The following SPATA17 variants were observed in gnomAD, a reference collection of about 807,000 sequenced individuals.
The protein encoded by SPATA17 is spermatogenesis associated 17.
In SPATA17, 53 loss-of-function variants were observed where a neutral mutation model predicts 62.2. The observed-to-expected ratio is 0.85, with a 90% CI of 0.68 to 1.07. The LOEUF is 1.07. Ranked by LOEUF, SPATA17 falls within the 50% of genes least tolerant of loss-of-function variation. SPATA17 has a pLI of 0.00. For synonymous variants in SPATA17, 146 were observed against 146.8 expected, an observed-to-expected ratio of 0.99 and a Z score of 0.04; for missense variants, 466 against 425.5, an observed-to-expected ratio of 1.10 and a Z score of -0.84.
chr1:217,855,729 A>ATTTTTTTTTTTTTTTT (rs3081687), intron 9 of SPATA17, among the ~76,000 whole-genome samples: 1 of 128,882 alleles, frequency 7.8e-6, no homozygotes, highest in Non-Finnish European at 1.6e-5. Context: ...AGAAGGAACT[A>ATTTTTTTTTTTTTTTT]TTTTTTTTTT....
chr1:217,823,779 T>G (rs1445525368), intron 9 of SPATA17, among the ~76,000 whole-genome samples: 2 of 152,066 alleles, frequency 1.3e-5, no homozygotes, highest in Admixed American at 6.6e-5. Context: ...TTGCTTTATA[T>G]ATTTAAGTGC....
chr1:217,741,825 A>G, intron 5 of SPATA17, 150 bp from the exon 6 acceptor site: 1 of 722,164 alleles, frequency 1.4e-6, no homozygotes, highest in South Asian at 2.4e-5. Context: ...GCAAAGATTC[A>G]TGTAGAAAAT....
intron 6 of SPATA17, among the ~76,000 whole-genome samples, chr1:217,745,803 A>G (rs923410452): frequency 6.6e-6 from 1 of 152,062 alleles, no homozygotes; most frequent in Non-Finnish European, 1.5e-5. Flanking sequence ...GAAATTGTCA[A>G]CTTTTCACTA....
intron 5 of SPATA17, among the ~76,000 whole-genome samples, chr1:217,683,869 TTA>T (rs1671158502): frequency 6.6e-6 from 1 of 152,128 alleles, no homozygotes; most frequent in Non-Finnish European, 1.5e-5. Flanking sequence ...TGCAAGTTAT[TTA>T]TGTGTGTAGT....
At chr1:217,859,411 G>GTA (rs200804517) in intron 9 of SPATA17, among the ~76,000 whole-genome samples, 2,598 of 151,228 alleles carry the variant, frequency 0.017, 68 homozygotes, top group African/African-American at 0.059. Context: ...GTCTTGCTAC[G>GTA]TATATATATA....
At chr1:217,636,633 A>T (rs1395670644) in intron 1 of SPATA17, among the ~76,000 whole-genome samples, 1 of 152,084 alleles carries the variant, frequency 6.6e-6, no homozygotes, top group African/African-American at 2.4e-5. Context: ...TATGTTGGTC[A>T]GGCTGGTCTT....
intron 2 of SPATA17, among the ~76,000 whole-genome samples, chr1:217,650,093 C>T (rs576240725): frequency 6.6e-6 from 1 of 152,180 alleles, no homozygotes; most frequent in South Asian, 2.1e-4. Flanking sequence ...GCATGTGCCA[C>T]CATGCCTGGA....
In SPATA17 at chr1:217,677,487, A is replaced by G. The variant is rs1670973838; in HGVS notation, c.292-5771A>G. ...TAGAGATAGATAGGTTAGTTAATTC[A>G]GAAAAAGGATACGGAAGGTCTTTTA... On this transcript the variant is annotated intron_variant, in intron 4 of 10. Transcript: ENST00000366933. Among the ~76,000 whole-genome samples, 4 of 152,214 alleles carry G rather than the reference A, an allele frequency of 2.6e-5. No homozygotes were observed. In the South Asian group the frequency reaches 8.3e-4, roughly 32 times the overall value.
chr1:217,647,177 T>C (rs1426655542), intron 1 of SPATA17, among the ~76,000 whole-genome samples: 1 of 152,246 alleles, frequency 6.6e-6, no homozygotes, highest in Non-Finnish European at 1.5e-5. Flanking sequence ...TATTTCCTTC[T>C]ATTTCTCTCA....
At chr1:217,731,048 A>G (rs1672392406) in intron 5 of SPATA17, among the ~76,000 whole-genome samples, 1 of 151,856 alleles carries the variant, frequency 6.6e-6, no homozygotes, top group African/African-American at 2.4e-5. Context: ...AGGCACTGTA[A>G]ACCACTTTCT....
intron 5 of SPATA17, among the ~76,000 whole-genome samples, chr1:217,723,666 G>A (rs1057329634): frequency 4.6e-5 from 7 of 152,174 alleles, no homozygotes; most frequent in Non-Finnish European, 8.8e-5. Context: ...GTCTGAGGAA[G>A]TCTATCTAAT....
chr1:217,657,286 T>C (rs1670466851), intron 3 of SPATA17, among the ~76,000 whole-genome samples: 1 of 152,174 alleles, frequency 6.6e-6, no homozygotes, highest in African/African-American at 2.4e-5. Flanking sequence ...AGGCTAATGT[T>C]CAGTTCTTTC....
intron 5 of SPATA17, among the ~76,000 whole-genome samples, chr1:217,720,586 C>A (rs1672102170): frequency 6.6e-6 from 1 of 152,000 alleles, no homozygotes; most frequent in African/African-American, 2.4e-5. Context: ...GTGGGAGGAT[C>A]ATTTGAGTCT....
chr1:217,704,233 T>TTC (rs1671679154), intron 5 of SPATA17, among the ~76,000 whole-genome samples: 1 of 106,570 alleles, frequency 9.4e-6, no homozygotes, highest in African/African-American at 3.6e-5. Context: ...CCTCTACCTT[T>TTC]TTTTTTTTTT....
intron 5 of SPATA17, among the ~76,000 whole-genome samples, chr1:217,689,907 C>CTT (rs774941353): frequency 1.4e-5 from 2 of 144,058 alleles, no homozygotes; most frequent in Non-Finnish European, 3.1e-5. Flanking sequence ...TTTTCTTTTT[C>CTT]TTTTTTTTTT....
intron 9 of SPATA17, among the ~76,000 whole-genome samples, chr1:217,815,909 T>G (rs1401137646): frequency 3.3e-5 from 5 of 152,200 alleles, no homozygotes; most frequent in Non-Finnish European, 2.9e-5. Context: ...TCATTGGTTC[T>G]CTTTCCTTGG....
In SPATA17 at chr1:217,791,999, C is replaced by T. The variant is rs997893113; in HGVS notation, c.872+9677C>T. ...TGTCCAGTTTTTTGGCTTCCCTGGGCCACACTGGAAGAAGAAGAAGAATTG... is the reference window on the plus strand; with the variant it reads ...TGTCCAGTTTTTTGGCTTCCCTGGGTCACACTGGAAGAAGAAGAAGAATTG... On this transcript the variant is annotated intron_variant, in intron 8 of 10. Coordinates refer to ENST00000366933, the MANE Select transcript of SPATA17 (RefSeq NM_138796.4). Among the ~76,000 whole-genome samples, 8 of 151,942 alleles carry T rather than the reference C, an allele frequency of 5.3e-5. No homozygotes were observed. In the South Asian group the frequency reaches 6.2e-4, roughly 12 times the overall value.
intron 8 of SPATA17, among the ~76,000 whole-genome samples, chr1:217,797,582 T>C (rs1259436001): frequency 6.6e-6 from 1 of 152,174 alleles, no homozygotes; most frequent in Admixed American, 6.5e-5. Flanking sequence ...ATAATAATGG[T>C]TAAAATATTA....
At chr1:217,773,892 G>T (rs1673521436) in intron 6 of SPATA17, among the ~76,000 whole-genome samples, 1 of 152,080 alleles carries the variant, frequency 6.6e-6, no homozygotes, top group Admixed American at 6.6e-5. Flanking sequence ...TCAAATATTT[G>T]AGTACATATT....
Sources: gnomAD v4.1 joint callset for allele counts (sites outside exome capture counted in the v4.1 genomes callset) on GRCh38, gnomAD v4.1.1 for gene constraint, MANE v1.5 for transcripts, NCBI Gene and HGNC (gene_info 2026-07-23, HGNC 2026-07-21) for gene names.